The following FAM184B variants were observed in gnomAD, a reference collection of about 807,000 sequenced individuals.
FAM184B encodes family with sequence similarity 184 member B.
In FAM184B, 111 loss-of-function variants were observed where a neutral mutation model predicts 135.9. That is an observed-to-expected ratio of 0.82 (90% CI 0.70 to 0.96). The LOEUF (loss-of-function observed/expected upper bound fraction) is 0.96, where lower values mean the gene tolerates loss of function less well. Among genes scored for constraint, FAM184B ranks in the 40% least tolerant of loss-of-function variants. FAM184B has a pLI of 0.00. For missense variants in FAM184B, 1,375 were observed against 1,323.9 expected (o/e 1.04, Z -0.60); for synonymous variants, 552 against 524.8 (o/e 1.05, Z -0.71).
chr4:17,689,600 C>T (rs1278058496), intron 6 of FAM184B, among the ~76,000 whole-genome samples: 1 of 152,060 alleles, frequency 6.6e-6, no homozygotes, highest in African/African-American at 2.4e-5. Context: ...CTTAATGGTC[C>T]ATTTGCTCTG....
chr4:17,781,206 G>A lies in FAM184B; in HGVS notation c.94C>T (p.Pro32Ser). 1.3e-6 allele frequency: 2 copies of A among 1,550,698 alleles called. No homozygotes were observed. Among genetic ancestry groups the A allele is most frequent in the Non-Finnish European group, 1.7e-6 (2 of 1,146,572 alleles). Residue 32 changes from proline to serine, a missense_variant, in exon 1 of 18, where the codon CCC (proline) becomes TCC (serine). Pro to Ser is a moderately conservative substitution (Grantham distance 74). Transcript: ENST00000265018. The surrounding 1 kb of genome is among the most constrained non-coding windows in gnomAD (Gnocchi z 6.5). ...GGAGWRMDCD[P>S]QMHVKMCKKI... ...TTGCACATTTTCACGTGCATCTGGG[G>A]ATCACAGTCCATTCTCCAGCCGGCG...
intron 5 of FAM184B, among the ~76,000 whole-genome samples, chr4:17,702,306 C>T (rs1052818011): frequency 2.0e-5 from 3 of 152,098 alleles, no homozygotes; most frequent in Non-Finnish European, 2.9e-5. Flanking sequence ...GTGCTGAATA[C>T]ATCATCTGCA....
chr4:17,642,011 A>AAG (rs1715332463), intron 13 of FAM184B, 45 bp downstream of exon 13: 1 of 1,046,584 alleles, frequency 9.6e-7, no homozygotes, highest in African/African-American at 3.1e-5. Context: ...GTGGCGGGGT[A>AAG]GGGGGTGAGG....
intron 1 of FAM184B, among the ~76,000 whole-genome samples, chr4:17,765,902 C>T (rs975990368): frequency 1.9e-4 from 29 of 152,232 alleles, no homozygotes; most frequent in African/African-American, 6.5e-4. Context: ...TGCAGACCTT[C>T]GCGGTGGTGA....
intron 7 of FAM184B, among the ~76,000 whole-genome samples, chr4:17,680,686 G>A (rs570873733): frequency 6.4e-4 from 97 of 152,246 alleles, no homozygotes; most frequent in Non-Finnish European, 1.8e-4. Context: ...GGTATGAATA[G>A]TGTGCACGGA....
At chr4:17,775,657 C>G (rs1278274364) in intron 1 of FAM184B, among the ~76,000 whole-genome samples, 8 of 152,194 alleles carry the variant, frequency 5.3e-5, no homozygotes, top group Non-Finnish European at 1.0e-4. Context: ...CTAGGACAGG[C>G]ACTGCATTTA....
chr4:17,642,148 C>T lies in FAM184B; in HGVS notation c.2427G>A (p.Glu809=), dbSNP rs1418362123. ...CCGCGTCCTGGAGCTGCGCGTTCTCCTCCCAGAGCCCGCATCCCTCGCCGG... is the reference window on the plus strand; with the variant it reads ...CCGCGTCCTGGAGCTGCGCGTTCTCTTCCCAGAGCCCGCATCCCTCGCCGG... ...QGSGEGCGLW[E]ENAQLQDAVR... Residue 809 remains glutamate (E), a synonymous_variant, in exon 13 of 18, where the codon GAG becomes GAA. Coordinates refer to ENST00000265018, the MANE Select transcript of FAM184B (RefSeq NM_015688.2). The T allele has an allele frequency of 3.3e-6, 5 of 1,533,700 alleles. No individual in the cohort carries two copies. The East Asian group carries it at 9.8e-5, about 30-fold the overall frequency.
intron 1 of FAM184B, among the ~76,000 whole-genome samples, chr4:17,771,689 A>T (rs1322035777): frequency 6.6e-6 from 1 of 151,312 alleles, no homozygotes; most frequent in Non-Finnish European, 1.5e-5. Flanking sequence ...GTTGCTGAGG[A>T]CTCTCATGGC....
chr4:17,632,905 A>G (rs916389295), intron 17 of FAM184B: 2 of 258,248 alleles, frequency 7.7e-6, no homozygotes, highest in Non-Finnish European at 1.5e-5. Flanking sequence ...GGATTAACCA[A>G]ACCTACAGAT....
chr4:17,639,137 C>T, intron 14 of FAM184B, 113 bp downstream of exon 14: 1 of 1,151,510 alleles, frequency 8.7e-7, no homozygotes, highest in Non-Finnish European at 1.2e-6. Flanking sequence ...CTGGCCAGAA[C>T]CCAGGACTTT....
chr4:17,688,649 A>T, intron 6 of FAM184B, 118 bp from the exon 7 acceptor site: 1 of 513,816 alleles, frequency 1.9e-6, no homozygotes, highest in East Asian at 4.3e-5. Context: ...GTGCCCCATT[A>T]GACAAATTCT....
At chr4:17,703,167 T>C (rs1223970617) in intron 5 of FAM184B, among the ~76,000 whole-genome samples, 1 of 152,170 alleles carries the variant, frequency 6.6e-6, no homozygotes, top group Non-Finnish European at 1.5e-5. Flanking sequence ...CATGAAATAA[T>C]ATTATCACAC....
intron 1 of FAM184B, among the ~76,000 whole-genome samples, chr4:17,730,998 C>T (rs201341833): frequency 6.7e-4 from 101 of 151,856 alleles, no homozygotes; most frequent in African/African-American, 1.7e-3. Flanking sequence ...TAATGGAAGA[C>T]GAAATGAATG....
intron 1 of FAM184B, among the ~76,000 whole-genome samples, chr4:17,737,013 C>T (rs919368641): frequency 3.3e-5 from 5 of 152,132 alleles, no homozygotes; most frequent in East Asian, 1.9e-4. Flanking sequence ...AGTATGGTGG[C>T]AGGCACCTGT....
chr4:17,679,267 G>T (rs1716384463), intron 7 of FAM184B, among the ~76,000 whole-genome samples: 1 of 152,118 alleles, frequency 6.6e-6, no homozygotes, highest in Non-Finnish European at 1.5e-5. Context: ...TAAAATATTT[G>T]CAATCTATAT....
intron 13 of FAM184B, 89 bp from the exon 14 acceptor site, chr4:17,639,485 A>C (rs1560164521): frequency 7.0e-7 from 1 of 1,438,196 alleles, no homozygotes; most frequent in Admixed American, 2.1e-5. Flanking sequence ...ATCGCTGCCC[A>C]GTTTGGGAGA....
chr4:17,674,689 G>C (rs1716271958), intron 7 of FAM184B, among the ~76,000 whole-genome samples: 1 of 152,190 alleles, frequency 6.6e-6, no homozygotes, highest in Non-Finnish European at 1.5e-5. Context: ...AACTGTCACT[G>C]ATCTATTAAC....
intron 5 of FAM184B, among the ~76,000 whole-genome samples, chr4:17,704,085 T>C (rs1717052667): frequency 1.3e-5 from 2 of 152,200 alleles, no homozygotes; most frequent in African/African-American, 2.4e-5. Flanking sequence ...CTTGAGTATT[T>C]ACTACTCGTA....
At chr4:17,642,477 C>G (rs75293191) in intron 12 of FAM184B, among the ~76,000 whole-genome samples, 3,675 of 152,244 alleles carry the variant, frequency 0.024, 141 homozygotes, top group African/African-American at 0.084. Flanking sequence ...GGTCTTGCAT[C>G]CAAATGAACA....
Sources: allele counts gnomAD v4.1 joint callset (sites outside exome capture counted in the v4.1 genomes callset), GRCh38; gene constraint gnomAD v4.1.1; non-coding constraint Gnocchi (gnomAD v3.1); transcripts MANE v1.5; gene names NCBI Gene and HGNC (gene_info 2026-07-23, HGNC 2026-07-21).